Variants in VAX2 observed in about 807,000 individuals in gnomAD.
VAX2 encodes the protein ventral anterior homeobox 2.
VAX2 carries 8 observed loss-of-function variants against 12.5 expected under a neutral mutation model. That is an observed-to-expected ratio of 0.64 (90% CI 0.37 to 1.15). The LOEUF is 1.15. VAX2 is among the 50% of genes most tolerant of loss of function. The pLI, the probability that VAX2 is intolerant of heterozygous loss-of-function variation, is 0.01. For synonymous variants in VAX2, 183 were observed against 187.6 expected (o/e 0.98, Z 0.20); for missense variants, 476 against 412.9 (o/e 1.15, Z -1.32).
At chr2:70,907,630 G>A (rs543345170) in intron 1 of VAX2, among the ~76,000 whole-genome samples, 21 of 152,348 alleles carry the variant, frequency 1.4e-4, no homozygotes, top group South Asian at 4.1e-4. Flanking sequence ...AGCCAGGGCC[G>A]GGCAAAGGAC....
In VAX2 at chr2:70,900,825, C is replaced by A; in HGVS notation, c.204C>A (p.Pro68=). 1.4e-6 allele frequency: 2 copies of A among 1,478,680 alleles called. No individual in the cohort carries two copies. The highest frequency in any genetic ancestry group is 2.8e-5 in the East Asian group (1 of 35,534). The allele number at this position is 1,478,680 out of a possible 1,614,324, so 91.6% of individuals were successfully genotyped here. A position where few individuals can be genotyped will look rare whatever the true frequency, so the allele number is the denominator to read the frequency against. The change falls in exon 1 of 3, where the codon CCC becomes CCA. Residue 68 remains proline, a synonymous_variant. Transcript: ENST00000234392. The part of the protein sequence containing the change: ...RESGADSDGQ[P]GPGEADHCRR... ...GTGGAGCCGACAGCGACGGGCAGCC[C>A]GGGCCCGGCGAGGCAGACCACTGCC...
Position 70,921,128 on chromosome 2 carries a change from T to A in VAX2, c.278T>A (p.Leu93Gln). 6.2e-7 allele frequency: 1 copy of A among 1,607,274 alleles called. No homozygotes were observed. The highest frequency in any genetic ancestry group is 8.5e-7 in the Non-Finnish European group (1 of 1,176,908). ...AAAGGGACAATTCGGGAAATTGTCC[T>A]GCCTAAGGGCCTGGACCTGGACCGG... ...DAKGTIREIV[L>Q]PKGLDLDRPK... Residue 93 changes from leucine (L) to glutamine (Q), a missense_variant, in exon 2 of 3, where the codon CTG (leucine) becomes CAG (glutamine). Transcript: ENST00000234392.
chr2:70,933,036 C>CT lies in VAX2; in HGVS notation c.706dup (p.Ser236PhefsTer54), dbSNP rs1345411929. Reference sequence around the variant, plus strand: ...CACGCCTCAACCCGCTGTCCTCGGCCTCAGCGTCCCCCCCACTGCCGCCCC... The same window carrying CT: ...CACGCCTCAACCCGCTGTCCTCGGCCTTCAGCGTCCCCCCCACTGCCGCCCC... On this transcript the variant is annotated frameshift_variant, in exon 3 of 3. Coordinates refer to ENST00000234392, the MANE Select transcript of VAX2 (RefSeq NM_012476.3). LOFTEE classifies it low-confidence loss of function (END_TRUNC). 2.5e-6 allele frequency: 4 copies of CT among 1,598,980 alleles called. No individual in the cohort carries two copies. The highest frequency in any genetic ancestry group is 3.4e-6 in the Non-Finnish European group (4 of 1,172,490).
rs376257770 is a variant in VAX2 at position 70,904,737 on chromosome 2, G to A, written c.247+3869G>A. On this transcript the variant is annotated intron_variant, in intron 1 of 2. Transcript: ENST00000234392. This position sits in a 1 kb window ranked among gnomAD's most constrained non-coding sequence, Gnocchi z 4.2. Reference sequence around the variant, plus strand: ...TTTCACCCGGGAGCTGCATGGATGCGCGGATGGCTGGGGGCTGAGGGGACG... The same window carrying A: ...TTTCACCCGGGAGCTGCATGGATGCACGGATGGCTGGGGGCTGAGGGGACG... Among the ~76,000 whole-genome samples the A allele has an allele frequency of 2.4e-4, 36 of 152,350 alleles. No homozygotes were observed. In the East Asian group the frequency reaches 4.1e-3, roughly 17 times the overall value.
intron 1 of VAX2, among the ~76,000 whole-genome samples, chr2:70,902,694 A>G (rs1451715295): frequency 3.3e-5 from 5 of 152,206 alleles, no homozygotes; most frequent in Admixed American, 1.3e-4. Flanking sequence ...ACAGATGTCA[A>G]TTAAATAGCC....
chr2:70,917,644 T>C (rs1437235345), intron 1 of VAX2, among the ~76,000 whole-genome samples: 3 of 152,232 alleles, frequency 2.0e-5, no homozygotes, highest in Admixed American at 2.0e-4. Flanking sequence ...TTGTATGGCA[T>C]GTTTTAATAT....
At chr2:70,917,106 G>A (rs1483154336) in intron 1 of VAX2, among the ~76,000 whole-genome samples, 12 of 142,408 alleles carry the variant, frequency 8.4e-5, no homozygotes, top group Non-Finnish European at 1.3e-4. Flanking sequence ...AGCCGAGATC[G>A]CGCCACTGCA....
chr2:70,921,731 C>G (rs1679463200), intron 2 of VAX2, among the ~76,000 whole-genome samples: 2 of 152,128 alleles, frequency 1.3e-5, no homozygotes, highest in South Asian at 4.1e-4. Context: ...CTTTCCCACC[C>G]TCCATCACCT....
intron 1 of VAX2, among the ~76,000 whole-genome samples, chr2:70,901,680 C>T (rs1389015934): frequency 6.6e-6 from 1 of 152,262 alleles, no homozygotes; most frequent in African/African-American, 2.4e-5. Flanking sequence ...CCGAGGCTCC[C>T]CAGGTCCCCA....
chr2:70,918,839 T>TGA (rs1553412412), intron 1 of VAX2, among the ~76,000 whole-genome samples: 341 of 124,244 alleles, frequency 2.7e-3, no homozygotes, highest in African/African-American at 0.011. Context: ...GAGCTGAAAT[T>TGA]GCGCCACAGC....
At chr2:70,923,249 G>A (rs1291669504) in intron 2 of VAX2, among the ~76,000 whole-genome samples, 2 of 152,174 alleles carry the variant, frequency 1.3e-5, no homozygotes, top group Admixed American at 6.5e-5. Flanking sequence ...TTGACAGATA[G>A]TAAAAGTAAT....
Position 70,933,327 on chromosome 2 carries a change from C to A in VAX2, c.*123C>A. The A allele has an allele frequency of 2.0e-6, 2 of 993,682 alleles. No homozygotes were observed. The highest frequency in any genetic ancestry group is 2.7e-6 in the Non-Finnish European group (2 of 737,774). 61.6% of individuals were successfully genotyped at this position (993,682 alleles called of 1,614,324 possible). A position where few individuals can be genotyped will look rare whatever the true frequency, so the allele number is the denominator to read the frequency against. ...GCAGCCACACACTCTTCCCCACCTGCCCCCCAGCTCAGAGACTCGTGACCA... is the reference window on the plus strand; with the variant it reads ...GCAGCCACACACTCTTCCCCACCTGACCCCCAGCTCAGAGACTCGTGACCA... On this transcript the variant is annotated 3_prime_UTR_variant, in exon 3 of 3. Transcript: ENST00000234392.
chr2:70,917,731 T>C (rs1679340849), intron 1 of VAX2, among the ~76,000 whole-genome samples: 1 of 130,882 alleles, frequency 7.6e-6, no homozygotes. Context: ...TGCACTTGGC[T>C]GCTCCCTGAG....
chr2:70,900,897 A>T, intron 1 of VAX2, 29 bp downstream of exon 1: 1 of 1,340,902 alleles, frequency 7.5e-7, no homozygotes, highest in Non-Finnish European at 9.6e-7. Context: ...GCCCTGCTCC[A>T]CTGGACCCTC....
chr2:70,914,504 T>C (rs1439301980), intron 1 of VAX2, among the ~76,000 whole-genome samples: 1 of 152,190 alleles, frequency 6.6e-6, no homozygotes, highest in African/African-American at 2.4e-5. Flanking sequence ...TTAATCTTGA[T>C]AAATGCAGCC....
At chr2:70,907,793 G>T (rs924353001) in intron 1 of VAX2, among the ~76,000 whole-genome samples, 1 of 152,236 alleles carries the variant, frequency 6.6e-6, no homozygotes, top group African/African-American at 2.4e-5. Flanking sequence ...AATTCTGGGC[G>T]AGTCCTTCCA....
intron 2 of VAX2, among the ~76,000 whole-genome samples, chr2:70,922,163 C>G (rs11126309): frequency 2.0e-5 from 3 of 152,246 alleles, no homozygotes; most frequent in African/African-American, 7.2e-5. Flanking sequence ...TTGAGATTGT[C>G]AAAGAATAAC....
At chr2:70,918,520 A>C (rs537155037) in intron 1 of VAX2, among the ~76,000 whole-genome samples, 1 of 152,312 alleles carries the variant, frequency 6.6e-6, no homozygotes, top group African/African-American at 2.4e-5. Context: ...CTCTAGGGGA[A>C]TGATGAACCC....
intron 1 of VAX2, among the ~76,000 whole-genome samples, chr2:70,908,870 G>A (rs1434415822): frequency 2.0e-5 from 3 of 152,170 alleles, no homozygotes; most frequent in Non-Finnish European, 4.4e-5. Flanking sequence ...TTCTGCAGGA[G>A]AAGTTTAGTT....
Sources: gnomAD v4.1 joint callset for allele counts (sites outside exome capture counted in the v4.1 genomes callset) on GRCh38, gnomAD v4.1.1 for gene constraint, Gnocchi (gnomAD v3.1) non-coding constraint, MANE v1.5 for transcripts, NCBI Gene and HGNC (gene_info 2026-07-23, HGNC 2026-07-21) for gene names.